The following PKD1 variants were observed in gnomAD, a reference collection of about 807,000 sequenced individuals.
The protein encoded by PKD1 is polycystin-1.
Under a neutral mutation model 361.7 loss-of-function variants are expected in PKD1, and 81 were observed. The observed-to-expected ratio is 0.22, with a 90% CI of 0.19 to 0.27. PKD1 has a LOEUF of 0.27. PKD1 is among the 10% of genes least tolerant of loss of function. The probability of loss-of-function intolerance (pLI) is 1.00; values close to 1 mark genes in which losing one functional copy is unlikely to be tolerated. For missense variants in PKD1, 6,399 were observed against 6,118.3 expected (o/e 1.05, Z -1.53); for synonymous variants, 3,615 against 2,818.3 (o/e 1.28, Z -8.95).
intron 1 of PKD1, among the ~76,000 whole-genome samples, chr16:2,124,887 C>A (rs1457138782): frequency 6.6e-6 from 1 of 152,204 alleles, no homozygotes; most frequent in African/African-American, 2.4e-5. Context: ...CCAGGGAGGC[C>A]CCATGCCCCC....
At chr16:2,091,335 A>AGGGCGGGGCCCTGCGT in intron 42 of PKD1, 88 bp downstream of exon 42, 1 of 480,920 alleles carries the variant, frequency 2.1e-6, no homozygotes, top group Non-Finnish European at 2.4e-6. Flanking sequence ...GGGCGCTGCG[A>AGGGCGGGGCCCTGCGT]GGGGTGAGAC....
At chr16:2,107,825 G>A (rs970232430) in intron 16 of PKD1, 58 bp downstream of exon 16, 2 of 1,507,096 alleles carry the variant, frequency 1.3e-6, no homozygotes, top group South Asian at 2.4e-5. Context: ...GAAAACAGTA[G>A]ATGACCAGGG....
chr16:2,091,627 G>C (rs770333312), intron 41 of PKD1, 30 bp from the exon 42 acceptor site: 1 of 1,561,378 alleles, frequency 6.4e-7, no homozygotes, highest in Non-Finnish European at 8.6e-7. Context: ...CAGTAGGAGC[G>C]GGTGGCAGGG....
Position 2,094,221 on chromosome 16 carries a change from T to C in PKD1, c.10500-11A>G, listed in dbSNP as rs775850702. ...CCAGGAGTGCTGGACCTGAGGGACATGGTAGGCTGTGAATTCATCCCGGCC... is the reference window on the plus strand; with the variant it reads ...CCAGGAGTGCTGGACCTGAGGGACACGGTAGGCTGTGAATTCATCCCGGCC... On this transcript the variant is annotated splice_polypyrimidine_tract_variant and intron_variant, in intron 34 of 45. Coordinates refer to ENST00000262304, the MANE Select transcript of PKD1 (RefSeq NM_001009944.3). 5.3e-6 allele frequency: 8 copies of C among 1,507,958 alleles called. No homozygotes were observed. The highest frequency in any genetic ancestry group is 3.4e-5 in the Admixed American group (2 of 59,608). 93.4% of individuals were successfully genotyped at this position (1,507,958 alleles called of 1,614,324 possible).
At chr16:2,097,052 C>A in intron 34 of PKD1, 96 bp downstream of exon 34, 1 of 749,040 alleles carries the variant, frequency 1.3e-6, no homozygotes, top group South Asian at 1.5e-5. Flanking sequence ...CCTGGCACCC[C>A]ACCCCACCCT....
intron 8 of PKD1, 35 bp downstream of exon 8, chr16:2,116,494 G>A (rs779427256): frequency 1.9e-5 from 23 of 1,186,888 alleles, no homozygotes; most frequent in African/African-American, 3.0e-5. Context: ...GGGGCAGGCA[G>A]GAGGGCAGGT....
intron 14 of PKD1, 95 bp from the exon 15 acceptor site, chr16:2,111,966 C>T (rs916764489): frequency 1.4e-5 from 18 of 1,325,940 alleles, no homozygotes; most frequent in Middle Eastern, 2.5e-4. Flanking sequence ...CCGGGGTGAA[C>T]GGCTGCACCT....
intron 39 of PKD1, 96 bp from the exon 40 acceptor site, chr16:2,092,284 G>C: frequency 7.4e-7 from 1 of 1,355,300 alleles, no homozygotes; most frequent in South Asian, 1.3e-5. Context: ...CTGGTTCGGC[G>C]CCACCCCAGG....
Position 2,106,255 on chromosome 16 carries a change from C to G in PKD1, c.7539G>C (p.Leu2513=), listed in dbSNP as rs373330256. The G allele has an allele frequency of 1.2e-6, 2 of 1,610,268 alleles. No individual in the cohort carries two copies. Among genetic ancestry groups the G allele is most frequent in the East Asian group, 4.5e-5 (2 of 44,874 alleles). The part of the protein sequence containing the change: ...DAGAPLVYAL[L]LRRCRQGHCE... ...AGTGGCCCTGGCGACAGCGCCGCAG[C>G]AGCAGGGCGTACACCAGCGGGGCGC... Residue 2513 remains leucine (L), a synonymous_variant, in exon 19 of 46, where the codon CTG becomes CTC. Coordinates refer to ENST00000262304, the MANE Select transcript of PKD1 (RefSeq NM_001009944.3). This position sits in a 1 kb window ranked among gnomAD's most constrained non-coding sequence, Gnocchi z 6.5.
chr16:2,110,251 C>G lies in PKD1; in HGVS notation c.4916G>C (p.Gly1639Ala), dbSNP rs1178172751. ...LQLIEGLQVVGGGRYFPTNHT... is the reference protein window; with the variant it reads ...LQLIEGLQVVAGGRYFPTNHT... ...GTTGGTGGGGAAGTAGCGGCCACCG[C>G]CCACCACCTGCAGCCCCTCTATGAG... Residue 1639 changes from glycine to alanine, a missense_variant, in exon 15 of 46, where the codon GGC becomes GCC. Gly to Ala is a moderately conservative substitution (Grantham distance 60). Coordinates refer to ENST00000262304, the MANE Select transcript of PKD1 (RefSeq NM_001009944.3). 9 of 1,612,100 alleles carry G rather than the reference C, an allele frequency of 5.6e-6. No homozygotes were observed. In the African/African-American group the frequency reaches 1.2e-4, roughly 22 times the overall value.
At chr16:2,122,459 A>C (rs1431623617) in intron 1 of PKD1, among the ~76,000 whole-genome samples, 1 of 152,102 alleles carries the variant, frequency 6.6e-6, no homozygotes, top group Non-Finnish European at 1.5e-5. Context: ...CCTCCTCTAC[A>C]CCAAGGTAGG....
rs940125815 is a variant in PKD1 at position 2,093,105 on chromosome 16, G to C, written c.11017-12C>G. 4 of 1,612,058 alleles carry C rather than the reference G, an allele frequency of 2.5e-6. No individual in the cohort carries two copies. The highest frequency in any genetic ancestry group is 1.7e-5 in the Admixed American group (1 of 60,002). On this transcript the variant is annotated splice_polypyrimidine_tract_variant and intron_variant, in intron 37 of 45. Transcript: ENST00000262304. ...TACACCAGGAGGCTCTGGTGGACGG[G>C]GGGGCCCTGTGGTCAGCCTGGCCCC...
At position 2,111,457 on chromosome 16, in the gene PKD1, G is replaced by A. The variant is rs376846132; in HGVS notation, c.3710C>T (p.Thr1237Met). The stretch of plus-strand genomic sequence containing the variant: ...GAAGGTCCACGTGATGTTGTCGCCC[G>A]TCTGCACCGCGGCGCTGACCACCAC... Reference protein sequence around the residue: ...APVVVSAAVQTGDNITWTFDM... With the variant: ...APVVVSAAVQMGDNITWTFDM... The change falls in exon 15 of 46, where the codon ACG (threonine) becomes ATG (methionine). Residue 1237 changes from threonine (T) to methionine (M), a missense_variant. By Grantham distance (81) the Thr-to-Met change is moderately conservative. Transcript: ENST00000262304. 5.1e-5 allele frequency: 82 copies of A among 1,611,624 alleles called. No individual in the cohort carries two copies. The highest frequency in any genetic ancestry group is 8.9e-5 in the East Asian group (4 of 44,866).
At position 2,108,710 on chromosome 16, in the gene PKD1, C is replaced by T. The variant is rs779219568; in HGVS notation, c.6457G>A (p.Val2153Met). ...VLACREPEVDVVLPLQVLMRR... is the reference protein window; with the variant it reads ...VLACREPEVDMVLPLQVLMRR... Reference sequence around the variant, plus strand: ...ATCAGCACCTGCAGGGGCAGGACCACGTCCACCTCCGGCTCCCGGCAGGCC... The same window carrying T: ...ATCAGCACCTGCAGGGGCAGGACCATGTCCACCTCCGGCTCCCGGCAGGCC... The change falls in exon 15 of 46, where the codon GTG becomes ATG. Residue 2153 changes from valine (V) to methionine (M), a missense_variant. Val to Met is a conservative substitution (Grantham distance 21). Transcript: ENST00000262304. The T allele has an allele frequency of 3.0e-5, 47 of 1,569,914 alleles. No individual in the cohort carries two copies. The highest frequency in any genetic ancestry group is 1.6e-4 in the African/African-American group (12 of 73,848).
chr16:2,089,802 C>A lies in PKD1; in HGVS notation c.12837G>T (p.Arg4279=), dbSNP rs1000725774. Residue 4279 remains arginine (R), a synonymous_variant, in exon 46 of 46, where the codon CGG becomes CGT. Coordinates refer to ENST00000262304, the MANE Select transcript of PKD1 (RefSeq NM_001009944.3). ...ALPSRLARAS[R]GVDLATGPSR... The stretch of plus-strand genomic sequence containing the variant: ...TGGGGCCAGTGGCCAGGTCCACACC[C>A]CGACTGGCCCGGGCAAGGCGGCTGG... The A allele has an allele frequency of 1.9e-6, 3 of 1,598,296 alleles. No homozygotes were observed. The highest frequency in any genetic ancestry group is 3.5e-5 in the Admixed American group (2 of 57,444).
intron 26 of PKD1, among the ~76,000 whole-genome samples, chr16:2,101,080 G>C (rs1645842191): frequency 6.6e-6 from 1 of 152,114 alleles, no homozygotes; most frequent in African/African-American, 2.4e-5. Flanking sequence ...CCGCCTCCCG[G>C]GTTCACGCCA....
In PKD1 at chr16:2,090,480, T is replaced by A; in HGVS notation, c.12249A>T (p.Ser4083=). 6.2e-7 allele frequency: 1 copy of A among 1,611,810 alleles called. No homozygotes were observed. The highest frequency in any genetic ancestry group is 8.5e-7 in the Non-Finnish European group (1 of 1,179,660). Residue 4083 remains serine, a synonymous_variant, in exon 45 of 46, where the codon TCA becomes TCT. Coordinates refer to ENST00000262304, the MANE Select transcript of PKD1 (RefSeq NM_001009944.3). The part of the protein sequence containing the change: ...TLCPAESWHL[S]PLLCVGLWAL... The stretch of plus-strand genomic sequence containing the variant: ...CCCAGAGCCCCACACACAGCAGGGG[T>A]GACAGGTGCCAGGACTCGGCAGGAC...
At position 2,135,718 on chromosome 16, in the gene PKD1, C is replaced by A; in HGVS notation, c.-29G>T. On this transcript the variant is annotated 5_prime_UTR_variant, in exon 1 of 46. Coordinates refer to ENST00000262304, the MANE Select transcript of PKD1 (RefSeq NM_001009944.3). ...TAGGGCAGCGCGCGCATGGCCCCGC[C>A]GTCCCCAGGCCCGCCCGCGCGCGGA... 1 of 941,110 alleles carries A rather than the reference C, an allele frequency of 1.1e-6. No homozygotes were observed. The highest frequency in any genetic ancestry group is 1.3e-6 in the Non-Finnish European group (1 of 792,506). The allele number at this position is 941,110 out of a possible 1,614,324, so 58.3% of individuals were successfully genotyped here.
At position 2,089,311 on chromosome 16, in the gene PKD1, G is replaced by A. The variant is rs990301126; in HGVS notation, c.*416C>T. ...ACGAGACACACAGTGAGACGGTGCA[G>A]GGAGTACGGTAGGAACTGGAGAGGT... On this transcript the variant is annotated 3_prime_UTR_variant, in exon 46 of 46. Coordinates refer to ENST00000262304, the MANE Select transcript of PKD1 (RefSeq NM_001009944.3). 2.6e-5 allele frequency: 7 copies of A among 266,636 alleles called. No individual in the cohort carries two copies. The highest frequency in any genetic ancestry group is 1.1e-4 in the African/African-American group (5 of 45,272). The allele number at this position is 266,636 out of a possible 1,614,324, so 16.5% of individuals were successfully genotyped here.
Sources: allele counts gnomAD v4.1 joint callset (sites outside exome capture counted in the v4.1 genomes callset), GRCh38; gene constraint gnomAD v4.1.1; non-coding constraint Gnocchi (gnomAD v3.1); transcripts MANE v1.5; gene names NCBI Gene and HGNC (gene_info 2026-07-23, HGNC 2026-07-21).